Variants in SLCO1B3 observed in about 807,000 individuals in gnomAD.
SLCO1B3 encodes liver-specific organic anion transporter 2.
A neutral mutation model predicts 71.8 loss-of-function variants in SLCO1B3; 72 were observed. That is an observed-to-expected ratio of 1.00 (90% CI 0.83 to 1.22). The LOEUF (loss-of-function observed/expected upper bound fraction) is 1.22. Ranked by LOEUF, SLCO1B3 falls within the 50% of genes most tolerant of loss-of-function variation. The pLI, the probability that SLCO1B3 is intolerant of heterozygous loss-of-function variation, is 0.00. For missense variants in SLCO1B3, 911 were observed against 819.7 expected, an observed-to-expected ratio of 1.11 and a Z score of -1.36; for synonymous variants, 298 against 278.4, an observed-to-expected ratio of 1.07 and a Z score of -0.70.
At position 20,831,757 on chromosome 12, in the gene SLCO1B3, TACAG is replaced by T. The variant is rs201890916; in HGVS notation, c.84+15941_84+15944del. Among the ~76,000 whole-genome samples, 284 of 149,732 alleles carry T rather than the reference TACAG, an allele frequency of 1.9e-3. 4 individuals are homozygous for T. In the East Asian group the frequency reaches 0.025, roughly 13 times the overall value. On this transcript the variant is annotated intron_variant, in intron 3 of 15. Transcript: ENST00000381545. ...CTTGTGAATTAGGAGTATGCGCACA[TACAG>T]ACAGAGATAATTAAAACAATGGTAA...
intron 13 of SLCO1B3, among the ~76,000 whole-genome samples, chr12:20,898,197 A>T (rs189737334): frequency 2.0e-5 from 3 of 152,316 alleles, no homozygotes; most frequent in Admixed American, 6.5e-5. Flanking sequence ...AAATGTGAAC[A>T]TATTTGTTAA....
intron 15 of SLCO1B3, among the ~76,000 whole-genome samples, chr12:20,914,098 T>C (rs1591795882): frequency 6.6e-6 from 1 of 152,134 alleles, no homozygotes; most frequent in Non-Finnish European, 1.5e-5. Flanking sequence ...TTTATATCAT[T>C]GACATTCAAA....
At chr12:20,905,271 G>A (rs1022323023) in intron 15 of SLCO1B3, among the ~76,000 whole-genome samples, 3 of 152,176 alleles carry the variant, frequency 2.0e-5, no homozygotes, top group South Asian at 2.1e-4. Flanking sequence ...GGTGATAGGA[G>A]GGGCCTCCAT....
At chr12:20,882,426 T>G (rs1344363600) in intron 12 of SLCO1B3, among the ~76,000 whole-genome samples, 1 of 152,146 alleles carries the variant, frequency 6.6e-6, no homozygotes, top group Non-Finnish European at 1.5e-5. Flanking sequence ...TGTTTTGAGA[T>G]GGAGTCTCAC....
chr12:20,860,599 TTGTGTGTGTGTGTG>T (rs34409706), intron 5 of SLCO1B3, among the ~76,000 whole-genome samples: 1 of 146,636 alleles, frequency 6.8e-6, no homozygotes, highest in Non-Finnish European at 1.5e-5. Context: ...GTCAAGCACT[TTGTGTGTGTGTGTG>T]TGTGTGTGTG....
At chr12:20,832,017 G>A (rs185982938) in intron 3 of SLCO1B3, among the ~76,000 whole-genome samples, 2 of 152,274 alleles carry the variant, frequency 1.3e-5, no homozygotes, top group Admixed American at 6.5e-5. Flanking sequence ...CTCCCAGCTC[G>A]TGAAAGATGG....
At chr12:20,878,509 C>G (rs1865628129) in intron 10 of SLCO1B3, among the ~76,000 whole-genome samples, 1 of 152,010 alleles carries the variant, frequency 6.6e-6, no homozygotes, top group Non-Finnish European at 1.5e-5. Context: ...ATCCCTTTTC[C>G]CACAACTCCA....
At chr12:20,911,930 C>G (rs539411873) in intron 15 of SLCO1B3, among the ~76,000 whole-genome samples, 6 of 152,228 alleles carry the variant, frequency 3.9e-5, no homozygotes, top group African/African-American at 9.6e-5. Flanking sequence ...TTAAATTTCA[C>G]TGTGCCCTAC....
At chr12:20,815,923 A>G (rs1767582775) in intron 3 of SLCO1B3, 101 bp downstream of exon 3, 1 of 573,550 alleles carries the variant, frequency 1.7e-6, no homozygotes, top group Admixed American at 3.4e-5. Context: ...ATCTCATATT[A>G]CAATTTTTCC....
At chr12:20,835,776 GTCT>G (rs1353549255) in intron 3 of SLCO1B3, among the ~76,000 whole-genome samples, 1 of 152,048 alleles carries the variant, frequency 6.6e-6, no homozygotes, top group Non-Finnish European at 1.5e-5. Context: ...ACATTTTCTT[GTCT>G]TCTTCTGAGT....
chr12:20,904,962 T>A (rs1187315173), intron 15 of SLCO1B3, among the ~76,000 whole-genome samples: 2 of 151,882 alleles, frequency 1.3e-5, no homozygotes, highest in East Asian at 3.9e-4. Context: ...TTAGTAGAGA[T>A]GGGGTCTTGC....
At position 20,855,150 on chromosome 12, in the gene SLCO1B3, T is replaced by C; in HGVS notation, c.207T>C (p.Ile69=). 7 of 1,607,550 alleles carry C rather than the reference T, an allele frequency of 4.4e-6. No individual in the cohort carries two copies. Among genetic ancestry groups the C allele is most frequent in the Non-Finnish European group, 5.1e-6 (6 of 1,178,046 alleles). Residue 69 remains isoleucine, a synonymous_variant, in exon 4 of 16, where the codon ATT becomes ATC. Coordinates refer to ENST00000381545, the MANE Select transcript of SLCO1B3 (RefSeq NM_019844.4). The stretch of plus-strand genomic sequence containing the variant: ...TATCCTCTTCTCTTGCTGGTTTAAT[T>C]GATGGAAGCTTTGAAATTGGTAACT... ...FDISSSLAGL[I]DGSFEIGNLL... is the part of the protein sequence containing the mutation.
chr12:20,916,124 A>G lies in SLCO1B3; in HGVS notation c.1986A>G (p.Glu662=), dbSNP rs766711405. 8.7e-6 allele frequency: 14 copies of G among 1,613,464 alleles called. No homozygotes were observed. The highest frequency in any genetic ancestry group is 1.1e-5 in the Non-Finnish European group (13 of 1,179,680). ...QGKDTKASDN[E]RKVMDEANLE... ...AAGATACCAAGGCATCGGACAATGA[A>G]AGAAAAGTAATGGATGAAGCAAACT... The change falls in exon 16 of 16, where the codon GAA becomes GAG. Residue 662 remains glutamate, a synonymous_variant. Transcript: ENST00000381545.
At chr12:20,903,842 G>A (rs1468231842) in intron 15 of SLCO1B3, among the ~76,000 whole-genome samples, 8 of 152,022 alleles carry the variant, frequency 5.3e-5, no homozygotes, top group African/African-American at 1.5e-4. Flanking sequence ...AACAGTCCCC[G>A]TGTCTTAACT....
rs114243699 is a variant in SLCO1B3, at chr12:20,851,898, A to G, written c.85-3130A>G. Among the ~76,000 whole-genome samples the G allele has an allele frequency of 4.9e-3, 374 of 76,982 alleles. 1 individual carries two copies. The highest frequency in any genetic ancestry group is 8.6e-3 in the African/African-American group (297 of 34,352). The allele number at this position is 76,982 out of a possible 152,430, so 50.5% of individuals were successfully genotyped here. On this transcript the variant is annotated intron_variant, in intron 3 of 15. Transcript: ENST00000381545. ...TGGATACCCAGTTTTCTCAACATCA[A>G]TTGTTGAAGAGACTGGTTCTCTCCC...
intron 13 of SLCO1B3, among the ~76,000 whole-genome samples, chr12:20,894,215 C>T (rs907070455): frequency 6.6e-6 from 1 of 152,126 alleles, no homozygotes; most frequent in African/African-American, 2.4e-5. Flanking sequence ...ATGAATTCAT[C>T]CTGAGAGAGG....
At chr12:20,912,562 C>T (rs1277042298) in intron 15 of SLCO1B3, among the ~76,000 whole-genome samples, 3 of 141,812 alleles carry the variant, frequency 2.1e-5, no homozygotes, top group East Asian at 2.1e-4. Context: ...TCACTGCTGT[C>T]GCCCAGGCTG....
intron 13 of SLCO1B3, among the ~76,000 whole-genome samples, chr12:20,897,438 G>T (rs1203139527): frequency 6.6e-6 from 1 of 152,182 alleles, no homozygotes; most frequent in Non-Finnish European, 1.5e-5. Context: ...TAACATATGA[G>T]ATAAGCATTA....
chr12:20,859,949 A>C, intron 5 of SLCO1B3, among the ~76,000 whole-genome samples: 1 of 127,644 alleles, frequency 7.8e-6, no homozygotes, highest in African/African-American at 2.9e-5. Context: ...AAAGCTGATC[A>C]TTTCTTTTTT....
Sources: gnomAD v4.1 joint callset for allele counts (sites outside exome capture counted in the v4.1 genomes callset) on GRCh38, gnomAD v4.1.1 for gene constraint, MANE v1.5 for transcripts, NCBI Gene and HGNC (gene_info 2026-07-23, HGNC 2026-07-21) for gene names.